Variants in ADAMTS3 observed in about 807,000 individuals in gnomAD.
ADAMTS3 encodes the protein ADAM metallopeptidase with thrombospondin type 1 motif 3, also known as A disintegrin and metalloproteinase with thrombospondin motifs 3.
A neutral mutation model predicts 129.0 loss-of-function variants in ADAMTS3; 73 were observed. The ratio of observed to expected loss-of-function variants is 0.57; its 90% CI spans 0.47 to 0.69. The LOEUF is 0.69. Among genes scored for constraint, ADAMTS3 ranks in the 30% least tolerant of loss-of-function variants. ADAMTS3 has a pLI of 0.00. For missense variants in ADAMTS3, 1,457 were observed against 1,514.5 expected (o/e 0.96, Z 0.63); for synonymous variants, 477 against 510.8 (o/e 0.93, Z 0.89).
At chr4:72,452,160 A>G (rs1392880968) in intron 3 of ADAMTS3, among the ~76,000 whole-genome samples, 1 of 151,820 alleles carries the variant, frequency 6.6e-6, no homozygotes, top group African/African-American at 2.4e-5. Context: ...AGTCACATTT[A>G]TAAAAACAGA....
chr4:72,367,719 A>G (rs190666192), intron 4 of ADAMTS3, among the ~76,000 whole-genome samples: 1,660 of 152,174 alleles, frequency 0.011, 42 homozygotes, highest in African/African-American at 0.038. Flanking sequence ...GCGTGGCGGC[A>G]GGCGCCTGTA....
At chr4:72,561,404 C>A (rs527331206) in intron 2 of ADAMTS3, among the ~76,000 whole-genome samples, 2 of 151,950 alleles carry the variant, frequency 1.3e-5, no homozygotes, top group Non-Finnish European at 2.9e-5. Context: ...ACTCGGGAGG[C>A]TGAGGCAGGA....
chr4:72,501,024 T>C (rs1720005549), intron 3 of ADAMTS3, among the ~76,000 whole-genome samples: 1 of 152,220 alleles, frequency 6.6e-6, no homozygotes, highest in African/African-American at 2.4e-5. Flanking sequence ...AGCCTTATTG[T>C]ATAGTTTGAG....
intron 3 of ADAMTS3, among the ~76,000 whole-genome samples, chr4:72,469,320 A>G (rs945237797): frequency 1.3e-5 from 2 of 152,136 alleles, no homozygotes; most frequent in African/African-American, 4.8e-5. Flanking sequence ...AGTTCTACCT[A>G]TAGAATTCAA....
chr4:72,377,509 G>C (rs976849191), intron 4 of ADAMTS3, among the ~76,000 whole-genome samples: 6 of 152,168 alleles, frequency 3.9e-5, no homozygotes, highest in Admixed American at 6.5e-5. Flanking sequence ...GTTCAGAAAG[G>C]CCTATCTAGA....
chr4:72,329,315 T>C (rs1380921492), intron 5 of ADAMTS3, among the ~76,000 whole-genome samples: 3 of 152,056 alleles, frequency 2.0e-5, no homozygotes, highest in Admixed American at 1.3e-4. Context: ...CTATTTGAGA[T>C]TGGGTAGTTA....
intron 3 of ADAMTS3, among the ~76,000 whole-genome samples, chr4:72,452,641 G>A (rs1354542148): frequency 1.3e-5 from 2 of 151,760 alleles, no homozygotes; most frequent in East Asian, 3.9e-4. Context: ...TACTGGACTG[G>A]GTCACTACAG....
At chr4:72,509,663 T>A (rs1188452644) in intron 3 of ADAMTS3, among the ~76,000 whole-genome samples, 1 of 152,068 alleles carries the variant, frequency 6.6e-6, no homozygotes, top group Non-Finnish European at 1.5e-5. Flanking sequence ...CCTGATGGCT[T>A]TACTGATGAA....
At chr4:72,484,255 C>A (rs1171487150) in intron 3 of ADAMTS3, among the ~76,000 whole-genome samples, 1 of 152,168 alleles carries the variant, frequency 6.6e-6, no homozygotes, top group Non-Finnish European at 1.5e-5. Context: ...AGGCACTATT[C>A]TAGTTTCTTA....
intron 2 of ADAMTS3, among the ~76,000 whole-genome samples, chr4:72,558,383 T>C (rs1174371189): frequency 6.6e-6 from 1 of 151,602 alleles, no homozygotes; most frequent in Non-Finnish European, 1.5e-5. Flanking sequence ...CCTTCCTCCA[T>C]CCTCAGAACC....
At chr4:72,285,525 C>T (rs1417485748) in intron 21 of ADAMTS3, among the ~76,000 whole-genome samples, 1 of 152,036 alleles carries the variant, frequency 6.6e-6, no homozygotes, top group Non-Finnish European at 1.5e-5. Context: ...TGTTAGGAGG[C>T]CCCTCTTAGA....
At chr4:72,405,606 C>A (rs530732343) in intron 4 of ADAMTS3, among the ~76,000 whole-genome samples, 174 of 152,110 alleles carry the variant, frequency 1.1e-3, no homozygotes, top group Non-Finnish European at 2.0e-3. Flanking sequence ...TAGAGAAAGT[C>A]CTGTTTATCA....
intron 3 of ADAMTS3, among the ~76,000 whole-genome samples, chr4:72,482,829 C>G (rs932037491): frequency 5.3e-5 from 8 of 152,008 alleles, no homozygotes; most frequent in Admixed American, 5.2e-4. Flanking sequence ...CTGTGGGGAC[C>G]ACAATGTAAG....
Position 72,456,494 on chromosome 4 carries a change from C to A in ADAMTS3, c.505-41523G>T, listed in dbSNP as rs377599379. Among the ~76,000 whole-genome samples the A allele has an allele frequency of 7.4e-5, 11 of 148,250 alleles. No individual in the cohort carries two copies. The East Asian group carries it at 1.4e-3, about 19-fold the overall frequency. On this transcript the variant is annotated intron_variant, in intron 3 of 21. Transcript: ENST00000286657. ...TATACAAGTTTCTGGCTCCACAAAACCTAAATCCACCCATGATGATAGTAT... is the reference window on the plus strand; with the variant it reads ...TATACAAGTTTCTGGCTCCACAAAAACTAAATCCACCCATGATGATAGTAT...
chr4:72,340,024 G>C (rs532953146), intron 4 of ADAMTS3, among the ~76,000 whole-genome samples: 1 of 152,210 alleles, frequency 6.6e-6, no homozygotes, highest in South Asian at 2.1e-4. Context: ...CAGAATACAG[G>C]CTGGCTATGT....
At chr4:72,507,435 A>T (rs1720192362) in intron 3 of ADAMTS3, among the ~76,000 whole-genome samples, 1 of 152,162 alleles carries the variant, frequency 6.6e-6, no homozygotes, top group South Asian at 2.1e-4. Flanking sequence ...GAACCTAACC[A>T]TTCCAATTTC....
At chr4:72,358,153 A>T (rs1263693144) in intron 4 of ADAMTS3, among the ~76,000 whole-genome samples, 1 of 151,968 alleles carries the variant, frequency 6.6e-6, no homozygotes, top group Non-Finnish European at 1.5e-5. Context: ...TTTGCCAAAG[A>T]TGCCTATGAG....
intron 3 of ADAMTS3, among the ~76,000 whole-genome samples, chr4:72,519,711 G>T (rs1448473723): frequency 1.6e-4 from 24 of 152,182 alleles, no homozygotes; most frequent in African/African-American, 4.8e-4. Flanking sequence ...GCACTTCTCT[G>T]TATTGGTTAT....
chr4:72,513,240 T>A (rs1438607396), intron 3 of ADAMTS3, among the ~76,000 whole-genome samples: 2 of 152,226 alleles, frequency 1.3e-5, no homozygotes, highest in African/African-American at 4.8e-5. Flanking sequence ...CCCATATTTC[T>A]TGGTCATGCC....
Sources: gnomAD v4.1 joint callset for allele counts (sites outside exome capture counted in the v4.1 genomes callset) on GRCh38, gnomAD v4.1.1 for gene constraint, MANE v1.5 for transcripts, NCBI Gene and HGNC (gene_info 2026-07-23, HGNC 2026-07-21) for gene names.